PPARD: variants seen among roughly 807,000 people sequenced by gnomAD.
PPARD encodes the protein peroxisome proliferator activated receptor delta.
A neutral mutation model predicts 39.5 loss-of-function variants in PPARD; 6 were observed. That is an observed-to-expected ratio of 0.15 (90% CI 0.08 to 0.30). The LOEUF (loss-of-function observed/expected upper bound fraction) is 0.30, where lower values mean the gene tolerates loss of function less well. Ranked by LOEUF, PPARD falls within the 10% of genes least tolerant of loss-of-function variation. The probability of loss-of-function intolerance (pLI) is 1.00; values close to 1 mark genes in which losing one functional copy is unlikely to be tolerated. For missense variants in PPARD, 397 were observed against 596.8 expected, an observed-to-expected ratio of 0.67 and a Z score of 3.49; for synonymous variants, 210 against 231.3, an observed-to-expected ratio of 0.91 and a Z score of 0.83.
chr6:35,417,738 G>T (rs1485815760), intron 3 of PPARD, among the ~76,000 whole-genome samples: 1 of 152,088 alleles, frequency 6.6e-6, no homozygotes, highest in Non-Finnish European at 1.5e-5. Flanking sequence ...CACCATGTTG[G>T]CCAGGATGGT....
At position 35,410,958 on chromosome 6, in the gene PPARD, G is replaced by T. The variant is rs9658131; in HGVS notation, c.-101-29G>T. 4.5e-3 allele frequency: 5,699 copies of T among 1,262,950 alleles called. 90 individuals carry two copies. The African/African-American group carries it at 0.049, about 11-fold the overall frequency. 78.2% of individuals were successfully genotyped at this position (1,262,950 alleles called of 1,614,324 possible). On this transcript the variant is annotated intron_variant, in intron 2 of 7. Transcript: ENST00000360694. The stretch of plus-strand genomic sequence containing the variant: ...CCTCTTCCTTGTCACTGCCTCCCCT[G>T]ACCTCTTCCTGTCTTCTCCTCTGCC...
intron 2 of PPARD, among the ~76,000 whole-genome samples, chr6:35,393,467 A>C (rs1398257252): frequency 2.0e-5 from 3 of 152,132 alleles, no homozygotes; most frequent in Non-Finnish European, 2.9e-5. Flanking sequence ...GTATTCCCCA[A>C]GTGTCATCAA....
intron 2 of PPARD, among the ~76,000 whole-genome samples, chr6:35,410,528 C>T (rs570881866): frequency 6.6e-6 from 1 of 152,338 alleles, no homozygotes; most frequent in Non-Finnish European, 1.5e-5. Context: ...GGACTCACCC[C>T]TTCAGGAACA....
chr6:35,388,297 T>C (rs1305814860), intron 2 of PPARD, among the ~76,000 whole-genome samples: 2 of 152,080 alleles, frequency 1.3e-5, no homozygotes, highest in Non-Finnish European at 2.9e-5. Context: ...TGCACACATA[T>C]CCACTCAGAG....
chr6:35,404,953 T>TTGTGTGTGTGTGTGTGTGTGTGTG (rs59359748), intron 2 of PPARD, among the ~76,000 whole-genome samples: 1 of 142,130 alleles, frequency 7.0e-6, no homozygotes, highest in East Asian at 2.1e-4. Flanking sequence ...ACTGCAGGCT[T>TTGTGTGTGTGTGTGTGTGTGTGTG]TGTGTGTGTG....
intron 2 of PPARD, among the ~76,000 whole-genome samples, chr6:35,399,392 T>C (rs1444044178): frequency 2.5e-5 from 2 of 81,082 alleles, no homozygotes; most frequent in East Asian, 6.2e-4. Flanking sequence ...AAAGTGAGAC[T>C]CTGTCTCAAA....
chr6:35,396,567 A>G (rs1463160974), intron 2 of PPARD, among the ~76,000 whole-genome samples: 2 of 144,472 alleles, frequency 1.4e-5, no homozygotes, highest in African/African-American at 5.2e-5. Context: ...GTGGTGGCTC[A>G]TGCCTATAAT....
chr6:35,346,190 C>T (rs1792173793), intron 1 of PPARD, among the ~76,000 whole-genome samples: 1 of 152,168 alleles, frequency 6.6e-6, no homozygotes, highest in African/African-American at 2.4e-5. Flanking sequence ...GGACCTGTCA[C>T]TTCTAAGGGC....
chr6:35,373,737 A>G (rs1259819104), intron 2 of PPARD, among the ~76,000 whole-genome samples: 1 of 151,098 alleles, frequency 6.6e-6, no homozygotes, highest in Non-Finnish European at 1.5e-5. Context: ...GTGCAATCTC[A>G]GCTCACAGCA....
intron 2 of PPARD, among the ~76,000 whole-genome samples, chr6:35,352,278 G>C (rs1049911101): frequency 1.3e-5 from 2 of 152,090 alleles, no homozygotes; most frequent in African/African-American, 4.8e-5. Context: ...CCGCCTCGTG[G>C]GTTCAAGTGA....
intron 2 of PPARD, among the ~76,000 whole-genome samples, chr6:35,371,104 A>AT (rs892485996): frequency 3.3e-5 from 5 of 152,098 alleles, no homozygotes; most frequent in Non-Finnish European, 7.4e-5. Context: ...AATCACTCAC[A>AT]TGTTGGTCTC....
At chr6:35,414,291 C>T (rs186540125) in intron 3 of PPARD, among the ~76,000 whole-genome samples, 23 of 152,070 alleles carry the variant, frequency 1.5e-4, no homozygotes, top group Middle Eastern at 3.2e-3. Flanking sequence ...GAGTCTATAC[C>T]GAAGGACTCA....
At chr6:35,386,844 G>T (rs530152970) in intron 2 of PPARD, among the ~76,000 whole-genome samples, 2 of 152,114 alleles carry the variant, frequency 1.3e-5, no homozygotes, top group African/African-American at 4.8e-5. Flanking sequence ...GTCCCAGGAG[G>T]CCCTGTCTTG....
chr6:35,394,763 C>G (rs960008964), intron 2 of PPARD, among the ~76,000 whole-genome samples: 3 of 150,592 alleles, frequency 2.0e-5, no homozygotes, highest in Non-Finnish European at 4.4e-5. Context: ...AGAGTGAGAC[C>G]CTGTCTCCCC....
At chr6:35,379,929 G>A (rs1443577116) in intron 2 of PPARD, among the ~76,000 whole-genome samples, 1 of 152,150 alleles carries the variant, frequency 6.6e-6, no homozygotes, top group East Asian at 1.9e-4. Flanking sequence ...GGTCTTCTAG[G>A]GGCACGTCAT....
chr6:35,344,171 C>T (rs1792034266), intron 1 of PPARD, among the ~76,000 whole-genome samples: 9 of 152,054 alleles, frequency 5.9e-5, no homozygotes, highest in Admixed American at 5.9e-4. Flanking sequence ...CTCTTGGAGT[C>T]TCTTCTCCCT....
intron 2 of PPARD, among the ~76,000 whole-genome samples, chr6:35,386,970 GTGGGGGAAACCTGCTTTCCCC>G (rs1763700284): frequency 1.3e-5 from 2 of 149,980 alleles, no homozygotes; most frequent in South Asian, 4.2e-4. Context: ...TTGTCAGGAG[GTGGGGGAAACCTGCTTTCCCC>G]CACCTCCTGA....
chr6:35,403,105 C>A (rs367593412), intron 2 of PPARD, among the ~76,000 whole-genome samples: 2 of 152,162 alleles, frequency 1.3e-5, no homozygotes, highest in Admixed American at 1.3e-4. Context: ...GGTTCTCTCC[C>A]CACAATTGAT....
chr6:35,358,295 C>T (rs1252455540), intron 2 of PPARD, among the ~76,000 whole-genome samples: 1 of 152,190 alleles, frequency 6.6e-6, no homozygotes, highest in Non-Finnish European at 1.5e-5. Context: ...CTGGAAAAGG[C>T]AAGGAAACTG....
Sources: allele counts gnomAD v4.1 joint callset (sites outside exome capture counted in the v4.1 genomes callset), GRCh38; gene constraint gnomAD v4.1.1; transcripts MANE v1.5; gene names NCBI Gene and HGNC (gene_info 2026-07-23, HGNC 2026-07-21).